Variants in MPC2 observed in about 807,000 individuals in gnomAD.
MPC2 encodes the protein mitochondrial pyruvate carrier 2, also known as brain protein 44.
A neutral mutation model predicts 19.2 loss-of-function variants in MPC2; 19 were observed. That is an observed-to-expected ratio of 0.99 (90% CI 0.69 to 1.45). The LOEUF (loss-of-function observed/expected upper bound fraction) is 1.45, where lower values mean the gene tolerates loss of function less well. MPC2 is among the 40% of genes most tolerant of loss of function. MPC2 has a pLI of 0.00. For missense variants in MPC2, 122 were observed against 153.0 expected, an observed-to-expected ratio of 0.80 and a Z score of 1.07; for synonymous variants, 61 against 54.3, an observed-to-expected ratio of 1.12 and a Z score of -0.54.
intron 2 of MPC2, among the ~76,000 whole-genome samples, chr1:167,925,442 C>CGTGTATATATATATATATAT (rs1553200802): frequency 1.2e-5 from 1 of 82,476 alleles, no homozygotes; most frequent in African/African-American, 5.1e-5. Flanking sequence ...TACATATACA[C>CGTGTATATATATATATATAT]ATATATATAT....
At chr1:167,933,911 G>A (rs1025606969) in intron 2 of MPC2, among the ~76,000 whole-genome samples, 1 of 152,142 alleles carries the variant, frequency 6.6e-6, no homozygotes, top group Non-Finnish European at 1.5e-5. Context: ...ACATGTTTTA[G>A]AGACATTAGA....
chr1:167,927,290 G>A (rs1670785549), intron 2 of MPC2, among the ~76,000 whole-genome samples: 1 of 152,150 alleles, frequency 6.6e-6, no homozygotes, highest in African/African-American at 2.4e-5. Flanking sequence ...CTCTTCCCCT[G>A]AGTCTGATGC....
At position 167,917,332 on chromosome 1, in the gene MPC2, G is replaced by A. The variant is rs1557849761; in HGVS notation, c.*991C>T. 6.6e-6 allele frequency: 1 copy of A among 152,228 alleles called. No individual in the cohort carries two copies. Among genetic ancestry groups the A allele is most frequent in the Non-Finnish European group, 1.5e-5 (1 of 68,070 alleles). The allele number at this position is 152,228 out of a possible 1,614,324, so 9.4% of individuals were successfully genotyped here. ...GTCACAGCATAGGCTGGGTATGGTG[G>A]CTCATGCCTGTATTCCAGCACTTTG... On this transcript the variant is annotated 3_prime_UTR_variant, in exon 6 of 6. Coordinates refer to ENST00000271373, the MANE Select transcript of MPC2 (RefSeq NM_001143674.4).
chr1:167,936,649 G>A (rs1160130922), intron 1 of MPC2: 1 of 402,996 alleles, frequency 2.5e-6, no homozygotes, highest in Admixed American at 4.5e-5. Flanking sequence ...TCCTGTTGGA[G>A]GGGGGCTGAG....
intron 2 of MPC2, among the ~76,000 whole-genome samples, chr1:167,925,494 C>T (rs1331156759): frequency 1.0e-4 from 13 of 125,194 alleles, no homozygotes; most frequent in African/African-American, 2.3e-4. Context: ...TATACACACA[C>T]ATATATATAT....
chr1:167,917,597 CAA>C lies in MPC2; in HGVS notation c.*724_*725del, dbSNP rs36120795. 1.9e-4 allele frequency: 15 copies of C among 79,774 alleles called. No homozygotes were observed. Among genetic ancestry groups the C allele is most frequent in the African/African-American group, 3.0e-4 (6 of 20,192 alleles). 4.9% of individuals were successfully genotyped at this position (79,774 alleles called of 1,614,324 possible). Reference sequence around the variant, plus strand: ...TGGGCCACAGAGCGAGACCCTGTCTCAAAAAAAAAAAAAAAAAAAAAGTCACA... The same window carrying C: ...TGGGCCACAGAGCGAGACCCTGTCTCAAAAAAAAAAAAAAAAAAAGTCACA... On this transcript the variant is annotated 3_prime_UTR_variant, in exon 6 of 6. Transcript: ENST00000271373.
At chr1:167,933,388 A>G (rs1320776662) in intron 2 of MPC2, among the ~76,000 whole-genome samples, 1 of 152,094 alleles carries the variant, frequency 6.6e-6, no homozygotes. Context: ...GCTGGTCTCA[A>G]ACTCCTGACC....
At chr1:167,927,657 G>C (rs186257594) in intron 2 of MPC2, among the ~76,000 whole-genome samples, 89 of 151,340 alleles carry the variant, frequency 5.9e-4, no homozygotes, top group African/African-American at 2.1e-3. Context: ...TGGCTGACAG[G>C]CTTAAATGGT....
At position 167,937,008 on chromosome 1, in the gene MPC2, G is replaced by A; in HGVS notation, c.-127C>T. On this transcript the variant is annotated 5_prime_UTR_variant, in exon 1 of 6. Coordinates refer to ENST00000271373, the MANE Select transcript of MPC2 (RefSeq NM_001143674.4). ...GTCCCGGCTGCGGAGTCGCTACCTG[G>A]GTGAGCGGGGGCCCCGGGGCGGAGG... 1 of 1,607,204 alleles carries A rather than the reference G, an allele frequency of 6.2e-7. No homozygotes were observed. The highest frequency in any genetic ancestry group is 8.5e-7 in the Non-Finnish European group (1 of 1,177,528).
intron 2 of MPC2, 96 bp downstream of exon 2, chr1:167,935,637 T>C: frequency 2.1e-6 from 2 of 961,416 alleles, no homozygotes; most frequent in South Asian, 2.9e-5. Context: ...GGGCTGTGGA[T>C]GCCTCTAGAG....
chr1:167,921,532 C>G (rs981776858), intron 3 of MPC2, among the ~76,000 whole-genome samples: 1 of 152,022 alleles, frequency 6.6e-6, no homozygotes, highest in African/African-American at 2.4e-5. Context: ...TTGGCTGTTA[C>G]GCCATTTTTC....
chr1:167,924,098 T>G (rs1016704638), intron 3 of MPC2, among the ~76,000 whole-genome samples: 2 of 152,184 alleles, frequency 1.3e-5, no homozygotes, highest in Admixed American at 6.5e-5. Context: ...TCCATCTACT[T>G]TTTGAGAGTA....
At chr1:167,933,205 G>T (rs1298833059) in intron 2 of MPC2, among the ~76,000 whole-genome samples, 5 of 141,330 alleles carry the variant, frequency 3.5e-5, no homozygotes, top group African/African-American at 1.3e-4. Context: ...ACCTCGCTCT[G>T]TTGCCAGGCT....
At chr1:167,933,661 A>G (rs1232451770) in intron 2 of MPC2, among the ~76,000 whole-genome samples, 3 of 152,254 alleles carry the variant, frequency 2.0e-5, no homozygotes, top group African/African-American at 7.2e-5. Flanking sequence ...TAGGCAAAAT[A>G]GTATGCAAAA....
At chr1:167,936,047 G>A (rs984514219) in intron 1 of MPC2, 149 bp from the exon 2 acceptor site, 2 of 592,836 alleles carry the variant, frequency 3.4e-6, no homozygotes, top group Admixed American at 6.0e-5. Flanking sequence ...GGCGGAGGCT[G>A]CCGACTGCCA....
Position 167,935,660 on chromosome 1 carries a change from G to A in MPC2, c.109+73C>T, listed in dbSNP as rs553528994. The A allele has an allele frequency of 1.3e-3, 1,647 of 1,264,232 alleles. 3 individuals are homozygous for A. Among genetic ancestry groups the A allele is most frequent in the South Asian group, 4.7e-3 (365 of 78,050 alleles). The allele number at this position is 1,264,232 out of a possible 1,614,324, so 78.3% of individuals were successfully genotyped here. ...GATGCCTCTAGAGGCAGTTGTCAGA[G>A]GGCCTCTAAAAGGTCCATTTTAGAG... On this transcript the variant is annotated intron_variant, in intron 2 of 5. Coordinates refer to ENST00000271373, the MANE Select transcript of MPC2 (RefSeq NM_001143674.4).
chr1:167,922,340 A>C (rs1394698354), intron 3 of MPC2, among the ~76,000 whole-genome samples: 1 of 152,138 alleles, frequency 6.6e-6, no homozygotes, highest in Non-Finnish European at 1.5e-5. Flanking sequence ...AGTTCAAATA[A>C]ACCCCAAAGC....
chr1:167,935,949 C>G, intron 1 of MPC2, 51 bp from the exon 2 acceptor site: 1 of 820,308 alleles, frequency 1.2e-6, no homozygotes, highest in African/African-American at 1.7e-5. Context: ...GACTCGCGTC[C>G]GCCTCTCGCC....
chr1:167,935,920 T>C, intron 1 of MPC2, 22 bp from the exon 2 acceptor site: 1 of 1,117,078 alleles, frequency 9.0e-7, no homozygotes, highest in Admixed American at 2.0e-5. Flanking sequence ...GGGGAGCTAG[T>C]CACTTTTCCT....
Sources: allele counts gnomAD v4.1 joint callset (sites outside exome capture counted in the v4.1 genomes callset), GRCh38; gene constraint gnomAD v4.1.1; transcripts MANE v1.5; gene names NCBI Gene and HGNC (gene_info 2026-07-23, HGNC 2026-07-21).